The following SERPINI1 variants were observed in gnomAD, a reference collection of about 807,000 sequenced individuals.
SERPINI1 encodes the protein neuroserpin.
SERPINI1 carries 19 observed loss-of-function variants against 41.1 expected under a neutral mutation model. The observed-to-expected ratio is 0.46, with a 90% CI of 0.32 to 0.68. The LOEUF is 0.68. SERPINI1 is among the 30% of genes least tolerant of loss of function. The pLI, the probability that SERPINI1 is intolerant of heterozygous loss-of-function variation, is 0.03. For synonymous variants in SERPINI1, 138 were observed against 156.6 expected (o/e 0.88, Z 0.89); for missense variants, 460 against 479.2 (o/e 0.96, Z 0.37).
intron 5 of SERPINI1, among the ~76,000 whole-genome samples, chr3:167,796,203 G>A (rs1727706121): frequency 6.6e-6 from 1 of 151,698 alleles, no homozygotes; most frequent in Admixed American, 6.6e-5. Context: ...GATCTATTTG[G>A]AACTATGGAG....
intron 3 of SERPINI1, among the ~76,000 whole-genome samples, chr3:167,792,343 A>G (rs1280106860): frequency 2.8e-5 from 4 of 144,532 alleles, no homozygotes; most frequent in African/African-American, 5.3e-5. Flanking sequence ...ATATATATAT[A>G]CACACACATA....
chr3:167,759,400 G>GTGTATATATATATATATATATA (rs964402772), intron 1 of SERPINI1, among the ~76,000 whole-genome samples: 37 of 121,156 alleles, frequency 3.1e-4, no homozygotes, highest in South Asian at 7.4e-4. Flanking sequence ...AGAAAATGTG[G>GTGTATATATATATATATATATA]TATATATATA....
At chr3:167,817,458 A>G (rs965436056) in intron 6 of SERPINI1, among the ~76,000 whole-genome samples, 9 of 152,184 alleles carry the variant, frequency 5.9e-5, no homozygotes, top group Non-Finnish European at 8.8e-5. Flanking sequence ...AATCACCTAG[A>G]AAACCATCTA....
At chr3:167,793,596 A>ATATATATTTTTTTT in intron 4 of SERPINI1, among the ~76,000 whole-genome samples, 8 of 140,606 alleles carry the variant, frequency 5.7e-5, no homozygotes, top group African/African-American at 2.2e-4. Flanking sequence ...ATATATATAT[A>ATATATATTTTTTTT]TTTTTAATTA....
intron 1 of SERPINI1, among the ~76,000 whole-genome samples, chr3:167,775,717 G>A (rs1726947660): frequency 6.6e-6 from 1 of 151,996 alleles, no homozygotes; most frequent in Non-Finnish European, 1.5e-5. Flanking sequence ...TACCACAAAA[G>A]TGGGTTGCTT....
At chr3:167,735,958 T>C (rs1559989334) in intron 1 of SERPINI1, 135 bp downstream of exon 1, 2 of 152,180 alleles carry the variant, frequency 1.3e-5, no homozygotes, top group African/African-American at 4.8e-5. Context: ...GGGTGAAAGA[T>C]TTACATTTTT....
chr3:167,803,711 AAG>A (rs1292786565), intron 5 of SERPINI1, among the ~76,000 whole-genome samples: 2 of 152,174 alleles, frequency 1.3e-5, no homozygotes, highest in Non-Finnish European at 2.9e-5. Flanking sequence ...TGCTTTTAAG[AAG>A]CAAAAAGAAT....
intron 5 of SERPINI1, among the ~76,000 whole-genome samples, chr3:167,801,927 T>C (rs1020354930): frequency 6.6e-6 from 1 of 152,178 alleles, no homozygotes; most frequent in Non-Finnish European, 1.5e-5. Context: ...TTATGCTAGA[T>C]ATTGCAAATA....
chr3:167,823,429 G>A (rs1370441285), intron 7 of SERPINI1, among the ~76,000 whole-genome samples: 2 of 152,068 alleles, frequency 1.3e-5, no homozygotes, highest in Non-Finnish European at 2.9e-5. Context: ...TGCTGAAGTT[G>A]ATTCTTAATT....
chr3:167,823,028 T>C lies in SERPINI1; in HGVS notation c.1022T>C (p.Phe341Ser). Residue 341 changes from phenylalanine (F) to serine (S), a missense_variant, in exon 7 of 9, where the codon TTC (phenylalanine) becomes TCC (serine). By Grantham distance (155) the Phe-to-Ser change is radical. Coordinates refer to ENST00000446050, the MANE Select transcript of SERPINI1 (RefSeq NM_001122752.2). ...CTTTCCAAAGCAATTCACAAGTCCT[T>C]CCTAGAGGTTAATGAAGAAGGCTCA... ...IFLSKAIHKSFLEVNEEGSEA... is the reference protein window; with the variant it reads ...IFLSKAIHKSSLEVNEEGSEA... 1 of 1,611,618 alleles carries C rather than the reference T, an allele frequency of 6.2e-7. No individual in the cohort carries two copies. Among genetic ancestry groups the C allele is most frequent in the Non-Finnish European group, 8.5e-7 (1 of 1,177,786 alleles).
intron 6 of SERPINI1, among the ~76,000 whole-genome samples, chr3:167,819,947 TTTTG>T (rs1228658133): frequency 6.6e-5 from 10 of 152,234 alleles, no homozygotes; most frequent in African/African-American, 2.4e-4. Flanking sequence ...TTGAGGCATC[TTTTG>T]TTTGTTTTGT....
intron 1 of SERPINI1, among the ~76,000 whole-genome samples, chr3:167,737,078 C>T (rs1216795497): frequency 1.3e-5 from 2 of 151,826 alleles, no homozygotes; most frequent in Non-Finnish European, 2.9e-5. Context: ...CTATGCTTTC[C>T]TGAGTTCTCG....
intron 6 of SERPINI1, among the ~76,000 whole-genome samples, chr3:167,810,146 G>A (rs1038180440): frequency 5.9e-5 from 9 of 151,706 alleles, no homozygotes; most frequent in African/African-American, 1.7e-4. Flanking sequence ...TAAATTAATA[G>A]CATTTATCTC....
rs1057503480 is a variant in SERPINI1, at chr3:167,764,801, G to A, written c.-18-24310G>A. ...CTTCATAGATACAATGGGGGTACAG[G>A]CATTGCATAAATACAGCCGTTGCAA... On this transcript the variant is annotated intron_variant, in intron 1 of 8. Transcript: ENST00000446050. Among the ~76,000 whole-genome samples, 3 of 152,164 alleles carry A rather than the reference G, an allele frequency of 2.0e-5. 1 individual carries two copies. The highest frequency in any genetic ancestry group is 4.8e-5 in the African/African-American group (2 of 41,440).
At chr3:167,791,416 C>G (rs1302071491) in intron 3 of SERPINI1, among the ~76,000 whole-genome samples, 1 of 152,076 alleles carries the variant, frequency 6.6e-6, no homozygotes, top group South Asian at 2.1e-4. Context: ...CATCTTTTAC[C>G]TTAAGAAGTG....
intron 6 of SERPINI1, among the ~76,000 whole-genome samples, chr3:167,815,922 T>C (rs926084115): frequency 6.6e-5 from 10 of 152,218 alleles, no homozygotes; most frequent in Admixed American, 5.2e-4. Context: ...CAATCAGATT[T>C]TGAAGTCTTT....
In SERPINI1 at chr3:167,825,274, T is replaced by A; in HGVS notation, c.1184T>A (p.Met395Lys). The A allele has an allele frequency of 6.2e-7, 1 of 1,613,460 alleles. No homozygotes were observed. Among genetic ancestry groups the A allele is most frequent in the Non-Finnish European group, 8.5e-7 (1 of 1,179,418 alleles). The change falls in exon 9 of 9, where the codon ATG (methionine) becomes AAG (lysine). Residue 395 changes from methionine to lysine, a missense_variant. Physicochemically the swap from Met to Lys is moderately conservative, Grantham distance 95. Transcript: ENST00000446050. ...TGTILFMGRV[M>K]HPETMNTSGH... ...ACAATTCTATTCATGGGACGAGTCA[T>A]GCATCCTGAAACAATGAACACAAGT...
At chr3:167,820,774 T>C (rs931567863) in intron 6 of SERPINI1, among the ~76,000 whole-genome samples, 1 of 150,942 alleles carries the variant, frequency 6.6e-6, no homozygotes, top group Non-Finnish European at 1.5e-5. Context: ...AAGGGGAGGG[T>C]CCCCAGTGAA....
chr3:167,792,148 A>G (rs570940096), intron 3 of SERPINI1, among the ~76,000 whole-genome samples: 1 of 152,236 alleles, frequency 6.6e-6, no homozygotes, highest in South Asian at 2.1e-4. Context: ...AACAAAAAAC[A>G]GAATAAACTT....
Sources: allele counts gnomAD v4.1 joint callset (sites outside exome capture counted in the v4.1 genomes callset), GRCh38; gene constraint gnomAD v4.1.1; transcripts MANE v1.5; gene names NCBI Gene and HGNC (gene_info 2026-07-23, HGNC 2026-07-21).